The following GORAB variants were observed in gnomAD, a reference collection of about 807,000 sequenced individuals.
GORAB encodes RAB6-interacting golgin.
GORAB carries 17 observed loss-of-function variants against 29.9 expected under a neutral mutation model. The observed-to-expected ratio is 0.57, with a 90% CI of 0.39 to 0.85. GORAB has a LOEUF of 0.85. Ranked by LOEUF, GORAB falls within the 40% of genes least tolerant of loss-of-function variation. GORAB has a pLI of 0.00. For synonymous variants in GORAB, 183 were observed against 157.2 expected (o/e 1.16, Z -1.23); for missense variants, 442 against 437.8 (o/e 1.01, Z -0.09).
chr1:170,536,902 G>A (rs1649096664), intron 1 of GORAB, among the ~76,000 whole-genome samples: 1 of 152,194 alleles, frequency 6.6e-6, no homozygotes, highest in Non-Finnish European at 1.5e-5. Context: ...AGAGAAGGAA[G>A]AGAATAATCA....
At chr1:170,536,113 C>T (rs1025387083) in intron 1 of GORAB, among the ~76,000 whole-genome samples, 19 of 152,022 alleles carry the variant, frequency 1.2e-4, no homozygotes, top group African/African-American at 4.8e-5. Flanking sequence ...ATTAACATTG[C>T]CACTAACGTG....
chr1:170,544,713 G>A lies in GORAB; in HGVS notation c.530G>A (p.Arg177Lys), dbSNP rs1424192547. ...CATACCTGATTTTCTAGATCCAAAA[G>A]AACTCAGGCAGAGACCATGAAACTA... ...LAKAIAERSK[R>K]TQAETMKLKR... Residue 177 changes from arginine to lysine, a missense_variant, in exon 4 of 5, where the codon AGA (arginine) becomes AAA (lysine). Transcript: ENST00000367763. The A allele has an allele frequency of 3.7e-6, 6 of 1,613,810 alleles. No individual in the cohort carries two copies. The highest frequency in any genetic ancestry group is 5.1e-6 in the Non-Finnish European group (6 of 1,179,790).
rs775523304 is a variant in GORAB, at chr1:170,552,335, A to G, written c.983A>G (p.Lys328Arg). 1.2e-6 allele frequency: 2 copies of G among 1,614,014 alleles called. No homozygotes were observed. The highest frequency in any genetic ancestry group is 1.7e-6 in the Non-Finnish European group (2 of 1,179,976). ...VTLEFAKENR[K>R]CQEQAVSPKV... ...TTAGAATTTGCTAAAGAGAACAGAA[A>G]GTGTCAAGAACAAGCTGTTTCCCCA... The change falls in exon 5 of 5, where the codon AAG becomes AGG. Residue 328 changes from lysine (K) to arginine (R), a missense_variant. By Grantham distance (26) the Lys-to-Arg change is conservative (BLOSUM62 2). Transcript: ENST00000367763.
chr1:170,547,615 G>A (rs1649842805), intron 4 of GORAB, among the ~76,000 whole-genome samples: 1 of 152,174 alleles, frequency 6.6e-6, no homozygotes, highest in Non-Finnish European at 1.5e-5. Flanking sequence ...TACACCCACA[G>A]ACGAATATTT....
chr1:170,552,835 G>C lies in GORAB; in HGVS notation c.*373G>C, dbSNP rs1650213319. The C allele has an allele frequency of 2.2e-6, 1 of 454,636 alleles. No individual in the cohort carries two copies. The highest frequency in any genetic ancestry group is 2.4e-5 in the Admixed American group (1 of 42,488). The allele number at this position is 454,636 out of a possible 1,614,324, so 28.2% of individuals were successfully genotyped here. ...AGTTAAACTCATTTCACTTCTCCTG[G>C]GAGACGTATTAAGACTGGAAGTCCT... On this transcript the variant is annotated 3_prime_UTR_variant, in exon 5 of 5. Transcript: ENST00000367763.
At chr1:170,537,564 T>G (rs1376087984) in intron 1 of GORAB, among the ~76,000 whole-genome samples, 1 of 152,184 alleles carries the variant, frequency 6.6e-6, no homozygotes, top group African/African-American at 2.4e-5. Flanking sequence ...TTCCCTACAT[T>G]TAAAAATCAA....
chr1:170,533,386 C>CT, intron 1 of GORAB: 1 of 304,840 alleles, frequency 3.3e-6, no homozygotes, highest in South Asian at 2.7e-5. Flanking sequence ...ATGTAGTTAA[C>CT]TGACTCTGTG....
chr1:170,551,939 A>G lies in GORAB; in HGVS notation c.663-76A>G, dbSNP rs1039259070. ...TTTTTCCCAATTTTGGAGTTGAGTT[A>G]TTGTTTCTAGATCCTCTTTTGAATA... On this transcript the variant is annotated intron_variant, in intron 4 of 4. Transcript: ENST00000367763. The G allele has an allele frequency of 3.1e-6, 4 of 1,292,580 alleles. No homozygotes were observed. The African/African-American group carries it at 5.9e-5, about 19-fold the overall frequency. 80.1% of individuals were successfully genotyped at this position (1,292,580 alleles called of 1,614,324 possible).
intron 4 of GORAB, among the ~76,000 whole-genome samples, chr1:170,546,115 G>A (rs12569329): frequency 2.0e-5 from 3 of 152,272 alleles, no homozygotes; most frequent in Middle Eastern, 3.4e-3. Context: ...TTGAGGCCGG[G>A]CACGGTGGCT....
chr1:170,549,729 T>C (rs972067324), intron 4 of GORAB, among the ~76,000 whole-genome samples: 1 of 152,134 alleles, frequency 6.6e-6, no homozygotes, highest in South Asian at 2.1e-4. Context: ...ACATAGAGGG[T>C]TATTGAAAGA....
chr1:170,536,623 A>G (rs1233645850), intron 1 of GORAB, among the ~76,000 whole-genome samples: 1 of 152,240 alleles, frequency 6.6e-6, no homozygotes, highest in Non-Finnish European at 1.5e-5. Flanking sequence ...TACATGTAAA[A>G]TAAGAGACAC....
chr1:170,541,158 C>T (rs768512846), intron 2 of GORAB, among the ~76,000 whole-genome samples: 1 of 118,128 alleles, frequency 8.5e-6, no homozygotes, highest in East Asian at 2.9e-4. Context: ...GAGCCAAGAT[C>T]ATGCCACTGC....
chr1:170,533,349 ACT>A (rs1294559531), intron 1 of GORAB: 1 of 245,594 alleles, frequency 4.1e-6, no homozygotes, highest in Non-Finnish European at 8.9e-6. Flanking sequence ...GACTTTAAAA[ACT>A]CTATCATAAA....
intron 1 of GORAB, among the ~76,000 whole-genome samples, chr1:170,538,580 G>T (rs1649197653): frequency 1.3e-5 from 2 of 151,686 alleles, no homozygotes; most frequent in South Asian, 4.2e-4. Flanking sequence ...AAATCAGTTT[G>T]AATGCATTGA....
intron 1 of GORAB, among the ~76,000 whole-genome samples, chr1:170,537,242 C>A (rs2101818470): frequency 6.6e-6 from 1 of 152,182 alleles, no homozygotes; most frequent in East Asian, 1.9e-4. Flanking sequence ...ATACCTGTTG[C>A]CTTTGTTTGG....
intron 1 of GORAB, among the ~76,000 whole-genome samples, chr1:170,538,201 G>C (rs911263263): frequency 5.3e-5 from 8 of 152,192 alleles, no homozygotes; most frequent in African/African-American, 1.7e-4. Context: ...TGACTTACCT[G>C]AGGTCACTGA....
At chr1:170,544,603 TTATA>T in intron 3 of GORAB, 98 bp from the exon 4 acceptor site, 1 of 752,290 alleles carries the variant, frequency 1.3e-6, no homozygotes, top group Non-Finnish European at 2.1e-6. Context: ...AAAATATAAA[TTATA>T]AATGTATATG....
At chr1:170,541,244 T>A (rs575646116) in intron 2 of GORAB, among the ~76,000 whole-genome samples, 4 of 128,138 alleles carry the variant, frequency 3.1e-5, no homozygotes, top group Admixed American at 8.4e-5. Flanking sequence ...TGAGGAAGGA[T>A]CAGAAGCAGA....
In GORAB at chr1:170,551,998, T is replaced by C. The variant is rs1004045511; in HGVS notation, c.663-17T>C. 1.2e-6 allele frequency: 2 copies of C among 1,608,892 alleles called. No individual in the cohort carries two copies. Among genetic ancestry groups the C allele is most frequent in the Non-Finnish European group, 1.7e-6 (2 of 1,175,578 alleles). ...AATGGAAAACTGATGGACCTATCTT[T>C]ATACACATCCTTACAGGAAGCGGTT... On this transcript the variant is annotated splice_polypyrimidine_tract_variant and intron_variant, in intron 4 of 4. Transcript: ENST00000367763.
Sources: allele counts gnomAD v4.1 joint callset (sites outside exome capture counted in the v4.1 genomes callset), GRCh38; gene constraint gnomAD v4.1.1; transcripts MANE v1.5; gene names NCBI Gene and HGNC (gene_info 2026-07-23, HGNC 2026-07-21).